The following METTL2A variants were observed in gnomAD, a reference collection of about 807,000 sequenced individuals.
The protein encoded by METTL2A is tRNA N(3)-cytidine methyltransferase METTL2A.
In METTL2A, 45 loss-of-function variants were observed where a neutral mutation model predicts 49.4. The observed-to-expected ratio is 0.91, with a 90% CI of 0.72 to 1.17. The LOEUF is 1.17. METTL2A is among the 50% of genes most tolerant of loss of function. METTL2A has a pLI of 0.00. For synonymous variants in METTL2A, 118 were observed against 167.5 expected, an observed-to-expected ratio of 0.70 and a Z score of 2.28; for missense variants, 361 against 462.2, an observed-to-expected ratio of 0.78 and a Z score of 2.01.
chr17:62,447,934 T>C (rs1314664725), intron 8 of METTL2A, among the ~76,000 whole-genome samples, 168 bp downstream of exon 8: 2 of 152,190 alleles, frequency 1.3e-5, no homozygotes, highest in Non-Finnish European at 2.9e-5. Context: ...AGGCTACCCA[T>C]GGCAGCCAGG....
At chr17:62,442,707 T>C (rs142393084) in intron 6 of METTL2A, among the ~76,000 whole-genome samples, 319 of 152,298 alleles carry the variant, frequency 2.1e-3, no homozygotes, top group African/African-American at 7.0e-3. Context: ...GGTTGGCACA[T>C]GTTAGGGTAA....
chr17:62,437,326 C>T (rs938287144), intron 5 of METTL2A, among the ~76,000 whole-genome samples: 7 of 152,048 alleles, frequency 4.6e-5, no homozygotes, highest in African/African-American at 1.4e-4. Context: ...AGTAGAATGT[C>T]ATAGAACCTA....
intron 5 of METTL2A, among the ~76,000 whole-genome samples, chr17:62,438,445 G>C (rs950396625): frequency 6.6e-6 from 1 of 151,272 alleles, no homozygotes; most frequent in African/African-American, 2.4e-5. Flanking sequence ...GGCAGGACGT[G>C]GTGGCATGCA....
chr17:62,433,260 C>T (rs1311903644), intron 4 of METTL2A, among the ~76,000 whole-genome samples: 1 of 151,940 alleles, frequency 6.6e-6, no homozygotes, highest in Non-Finnish European at 1.5e-5. Context: ...ATGGCAAAAC[C>T]CCATCTTTAC....
rs1222664389 is a variant in METTL2A, at chr17:62,423,982, A to T, written c.80A>T (p.Asp27Val). ...RQQFGSRFLRDPARVFHHNAW... is the reference protein window; with the variant it reads ...RQQFGSRFLRVPARVFHHNAW... ...CAGTTCGGAAGCCGGTTCCTGAGAGATCCGGCGCGCGTCTTCCACCACAAT... is the reference window on the plus strand; with the variant it reads ...CAGTTCGGAAGCCGGTTCCTGAGAGTTCCGGCGCGCGTCTTCCACCACAAT... Residue 27 changes from aspartate (D) to valine (V), a missense_variant, in exon 1 of 9, where the codon GAT becomes GTT. Physicochemically the swap from Asp to Val is radical, Grantham distance 152 (BLOSUM62 -3). Transcript: ENST00000311506. 6.2e-7 allele frequency: 1 copy of T among 1,613,888 alleles called. No homozygotes were observed. Among genetic ancestry groups the T allele is most frequent in the South Asian group, 1.1e-5 (1 of 91,008 alleles).
rs527676575 is a variant in METTL2A at position 62,425,576 on chromosome 17, G to A, written c.203-723G>A. On this transcript the variant is annotated intron_variant, in intron 2 of 8. Transcript: ENST00000311506. The stretch of plus-strand genomic sequence containing the variant: ...TAATTTTTTGTATTTTAGTACAGAC[G>A]GGGTTTCACCGTGCTGGCCAGGATG... Among the ~76,000 whole-genome samples the A allele has an allele frequency of 1.6e-4, 23 of 148,078 alleles. No individual in the cohort carries two copies. In the South Asian group the frequency reaches 3.7e-3, roughly 24 times the overall value.
intron 5 of METTL2A, among the ~76,000 whole-genome samples, chr17:62,437,851 T>G (rs9908598): frequency 1.3e-5 from 2 of 151,988 alleles, no homozygotes; most frequent in African/African-American, 4.8e-5. Flanking sequence ...ACGCACCTGT[T>G]GTCCCAGCTA....
chr17:62,446,854 C>T (rs180823470), intron 7 of METTL2A, among the ~76,000 whole-genome samples: 1 of 152,154 alleles, frequency 6.6e-6, no homozygotes, highest in Admixed American at 6.5e-5. Context: ...AACTCCATCC[C>T]CCTATACCAG....
Position 62,450,247 on chromosome 17 carries a change from C to CTTTTTTTTTTTTTTTTT in METTL2A, c.*1531_*1547dup, listed in dbSNP as rs34417908. 7 of 80,518 alleles carry CTTTTTTTTTTTTTTTTT rather than the reference C, an allele frequency of 8.7e-5. 2 individuals are homozygous for CTTTTTTTTTTTTTTTTT. The highest frequency in any genetic ancestry group is 3.8e-4 in the African/African-American group (6 of 15,978). 5.0% of individuals were successfully genotyped at this position (80,518 alleles called of 1,614,324 possible). On this transcript the variant is annotated 3_prime_UTR_variant, in exon 9 of 9. Coordinates refer to ENST00000311506, the MANE Select transcript of METTL2A (RefSeq NM_181725.4). Reference sequence around the variant, plus strand: ...TGTGATCATTATCAGTGTTAGATGCCTTTTTTTTTTTTTTTTTTTTTTTTT... The same window carrying CTTTTTTTTTTTTTTTTT: ...TGTGATCATTATCAGTGTTAGATGCCTTTTTTTTTTTTTTTTTTTTTTTTTTTTTTTTTTTTTTTTTT...
chr17:62,425,870 A>G (rs1461844149), intron 2 of METTL2A, among the ~76,000 whole-genome samples: 1 of 150,480 alleles, frequency 6.6e-6, no homozygotes. Context: ...GCGTGGTGGC[A>G]GGCGCCTGTA....
At position 62,448,984 on chromosome 17, in the gene METTL2A, C is replaced by T. The variant is rs2070787776; in HGVS notation, c.*255C>T. The T allele has an allele frequency of 2.4e-6, 1 of 415,618 alleles. No individual in the cohort carries two copies. The highest frequency in any genetic ancestry group is 2.1e-5 in the African/African-American group (1 of 48,418). 25.7% of individuals were successfully genotyped at this position (415,618 alleles called of 1,614,324 possible). A position where few individuals can be genotyped will look rare whatever the true frequency, so the allele number is the denominator to read the frequency against. On this transcript the variant is annotated 3_prime_UTR_variant, in exon 9 of 9. Coordinates refer to ENST00000311506, the MANE Select transcript of METTL2A (RefSeq NM_181725.4). The stretch of plus-strand genomic sequence containing the variant: ...ACAATTCAAGAATTCAGACTTGAAC[C>T]TTAAACCTAGGAAAAGTTACTTTGT...
chr17:62,448,085 G>C (rs771036820), intron 8 of METTL2A, among the ~76,000 whole-genome samples: 1 of 152,172 alleles, frequency 6.6e-6, no homozygotes, highest in Admixed American at 6.5e-5. Flanking sequence ...CTCTACACGG[G>C]GTTGTGCTTT....
intron 4 of METTL2A, among the ~76,000 whole-genome samples, chr17:62,433,337 G>A (rs1174034371): frequency 6.6e-6 from 1 of 152,070 alleles, no homozygotes; most frequent in Non-Finnish European, 1.5e-5. Flanking sequence ...AGGAAGCTAA[G>A]GCAGGAGAAT....
At chr17:62,432,113 A>G (rs1195354416) in intron 4 of METTL2A, among the ~76,000 whole-genome samples, 1 of 152,034 alleles carries the variant, frequency 6.6e-6, no homozygotes, top group Non-Finnish European at 1.5e-5. Context: ...GAAGCCCTAT[A>G]CCCATTAGCA....
In METTL2A at chr17:62,423,938, C is replaced by T; in HGVS notation, c.36C>T (p.Val12=). The T allele has an allele frequency of 6.2e-7, 1 of 1,613,738 alleles. No homozygotes were observed. The highest frequency in any genetic ancestry group is 8.5e-7 in the Non-Finnish European group (1 of 1,179,958). The change falls in exon 1 of 9, where the codon GTC becomes GTT. Residue 12 remains valine, a synonymous_variant. Coordinates refer to ENST00000311506, the MANE Select transcript of METTL2A (RefSeq NM_181725.4). The part of the protein sequence containing the change: ...AGSYPEGAPA[V]LADKRQQFGS... ...CCTACCCTGAAGGTGCACCTGCAGT[C>T]CTCGCCGATAAGAGGCAGCAGTTCG...
intron 6 of METTL2A, among the ~76,000 whole-genome samples, chr17:62,442,852 TGACTA>T (rs1025499537): frequency 6.6e-6 from 1 of 152,200 alleles, no homozygotes; most frequent in African/African-American, 2.4e-5. Flanking sequence ...CCAGATTACA[TGACTA>T]GAGACTGCAG....
chr17:62,428,472 C>T (rs537074852), intron 4 of METTL2A, among the ~76,000 whole-genome samples: 1 of 152,266 alleles, frequency 6.6e-6, no homozygotes, highest in Non-Finnish European at 1.5e-5. Context: ...GTTAAGGGTT[C>T]GGTCCCAGAA....
At chr17:62,445,774 G>T (rs2070764171) in intron 7 of METTL2A, among the ~76,000 whole-genome samples, 1 of 150,986 alleles carries the variant, frequency 6.6e-6, no homozygotes, top group African/African-American at 2.5e-5. Flanking sequence ...TCCAGCCTGG[G>T]CAACGAGTGA....
At chr17:62,430,373 G>T (rs1188632207) in intron 4 of METTL2A, among the ~76,000 whole-genome samples, 1 of 152,090 alleles carries the variant, frequency 6.6e-6, no homozygotes, top group Non-Finnish European at 1.5e-5. Flanking sequence ...AAATAAGATC[G>T]CTGTGTTCAA....
Sources: gnomAD v4.1 joint callset for allele counts (sites outside exome capture counted in the v4.1 genomes callset) on GRCh38, gnomAD v4.1.1 for gene constraint, MANE v1.5 for transcripts, NCBI Gene and HGNC (gene_info 2026-07-23, HGNC 2026-07-21) for gene names.